The following PRKN variants were observed in gnomAD, a reference collection of about 807,000 sequenced individuals.
PRKN encodes the protein parkin RBR E3 ubiquitin protein ligase, also known as E3 ubiquitin-protein ligase parkin.
In PRKN, 56 loss-of-function variants were observed where a neutral mutation model predicts 59.5. The ratio of observed to expected loss-of-function variants is 0.94; its 90% CI spans 0.76 to 1.18. The LOEUF is 1.18. PRKN is among the 50% of genes most tolerant of loss of function. The probability of loss-of-function intolerance (pLI) is 0.00; values close to 1 mark genes in which losing one functional copy is unlikely to be tolerated. For missense variants in PRKN, 657 were observed against 596.4 expected (o/e 1.10, Z -1.06); for synonymous variants, 250 against 222.1 (o/e 1.13, Z -1.12).
chr6:161,732,893 C>G (rs1787782289), intron 7 of PRKN, among the ~76,000 whole-genome samples: 1 of 152,152 alleles, frequency 6.6e-6, no homozygotes, highest in Admixed American at 6.5e-5. Context: ...GAGTTTGCCT[C>G]AGGAGAATTT....
At chr6:162,110,108 T>A (rs1453808473) in intron 4 of PRKN, among the ~76,000 whole-genome samples, 3 of 152,196 alleles carry the variant, frequency 2.0e-5, no homozygotes, top group Non-Finnish European at 4.4e-5. Context: ...TATGTGTGTG[T>A]ACTATGGGAT....
chr6:161,961,391 G>A (rs1373508450), intron 6 of PRKN, among the ~76,000 whole-genome samples: 1 of 152,152 alleles, frequency 6.6e-6, no homozygotes, highest in South Asian at 2.1e-4. Context: ...AGCCGGTTGG[G>A]TGTAAAAGAA....
intron 6 of PRKN, among the ~76,000 whole-genome samples, chr6:161,791,805 A>G (rs1790649427): frequency 6.6e-6 from 1 of 152,246 alleles, no homozygotes; most frequent in Admixed American, 6.5e-5. Flanking sequence ...GCAGCCTTCA[A>G]GATGTTCTCC....
chr6:161,887,199 G>A (rs1000637911), intron 6 of PRKN, among the ~76,000 whole-genome samples: 5 of 152,170 alleles, frequency 3.3e-5, no homozygotes, highest in African/African-American at 1.2e-4. Context: ...TTGGATTACT[G>A]TAGCACTGAT....
chr6:162,275,676 T>C (rs150186294), intron 2 of PRKN, among the ~76,000 whole-genome samples: 2,964 of 151,936 alleles, frequency 0.02, 87 homozygotes, highest in African/African-American at 0.069. Flanking sequence ...TCCCAGCTAC[T>C]TGGGAGGCTG....
At chr6:162,186,237 T>C (rs577625617) in intron 4 of PRKN, among the ~76,000 whole-genome samples, 32 of 152,194 alleles carry the variant, frequency 2.1e-4, no homozygotes, top group Admixed American at 3.3e-4. Context: ...AGAGATACTA[T>C]AAACCAAAAG....
intron 9 of PRKN, among the ~76,000 whole-genome samples, chr6:161,404,703 T>C (rs1299205613): frequency 6.6e-6 from 1 of 152,246 alleles, no homozygotes; most frequent in Non-Finnish European, 1.5e-5. Flanking sequence ...TCATGGTGTA[T>C]ATCACTCCCT....
At chr6:162,550,059 G>A (rs1779275958) in intron 1 of PRKN, among the ~76,000 whole-genome samples, 1 of 152,154 alleles carries the variant, frequency 6.6e-6, no homozygotes, top group South Asian at 2.1e-4. Context: ...TTCAGTTGGT[G>A]GTTCCTAATA....
intron 1 of PRKN, among the ~76,000 whole-genome samples, chr6:162,678,214 TG>T (rs1262943008): frequency 6.6e-6 from 1 of 152,228 alleles, no homozygotes; most frequent in Non-Finnish European, 1.5e-5. Context: ...TGATGGTTAT[TG>T]GAGTTATTTT....
At chr6:161,680,776 T>TATTTTG (rs1491495272) in intron 7 of PRKN, among the ~76,000 whole-genome samples, 4 of 18,946 alleles carry the variant, frequency 2.1e-4, no homozygotes, top group Admixed American at 1.4e-3. Flanking sequence ...TATATATATA[T>TATTTTG]TTTTTTTTTT....
At position 161,548,998 on chromosome 6, in the gene PRKN, G is replaced by A. The variant is rs1485966180; in HGVS notation, c.939C>T (p.Asn313=). ...CCTCTGCACCATACTGCTGGTACCG[G>A]TTGTACTGCAAAACCCAAAAAGCAG... The part of the protein sequence containing the change: ...HFRILGEEQY[N]RYQQYGAEEC... The change falls in exon 9 of 12, where the codon AAC becomes AAT. Residue 313 remains asparagine (N), a synonymous_variant. Transcript: ENST00000366898. The surrounding 1 kb of genome is among the most constrained non-coding windows in gnomAD (Gnocchi z 4.2). 7 of 1,614,028 alleles carry A rather than the reference G, an allele frequency of 4.3e-6. No homozygotes were observed. In the African/African-American group the frequency reaches 9.3e-5, roughly 22 times the overall value.
intron 3 of PRKN, among the ~76,000 whole-genome samples, chr6:162,235,985 G>GAAAGAAAGA (rs1778680791): frequency 2.0e-5 from 2 of 98,716 alleles, no homozygotes; most frequent in Admixed American, 9.5e-5. Context: ...AAGAAAGAAA[G>GAAAGAAAGA]AAAGAAAGAA....
intron 2 of PRKN, among the ~76,000 whole-genome samples, chr6:162,335,713 G>A (rs371379395): frequency 1.3e-5 from 2 of 151,474 alleles, no homozygotes; most frequent in East Asian, 1.9e-4. Flanking sequence ...CTATTTTATC[G>A]CTCACCAGTG....
chr6:161,638,138 GT>G lies in PRKN; in HGVS notation c.872-68723del, dbSNP rs201712962. Among the ~76,000 whole-genome samples, 143 of 147,088 alleles carry G rather than the reference GT, an allele frequency of 9.7e-4. 3 individuals carry two copies. The East Asian group carries it at 0.015, about 16-fold the overall frequency. ...CAGTCTGCAGTGATATTCACCCCTG[GT>G]TTTTTTTTTTCGAGACTGAATCTCT... is the stretch of plus-strand genomic sequence containing the variant. On this transcript the variant is annotated intron_variant, in intron 7 of 11. Transcript: ENST00000366898.
chr6:162,593,159 G>A (rs77322973), intron 1 of PRKN, among the ~76,000 whole-genome samples: 142 of 152,320 alleles, frequency 9.3e-4, no homozygotes, highest in African/African-American at 3.3e-3. Context: ...AAGTATAAGA[G>A]CACAGCCCAG....
At chr6:161,415,717 C>A (rs1405723745) in intron 9 of PRKN, among the ~76,000 whole-genome samples, 1 of 151,226 alleles carries the variant, frequency 6.6e-6, no homozygotes, top group African/African-American at 2.4e-5. Flanking sequence ...TCCTGAGCTT[C>A]GTCCCAGACA....
At chr6:162,529,065 G>T (rs1778402495) in intron 1 of PRKN, among the ~76,000 whole-genome samples, 1 of 151,988 alleles carries the variant, frequency 6.6e-6, no homozygotes, top group African/African-American at 2.4e-5. Context: ...GTAGAGATGG[G>T]GTTTCACCAT....
intron 7 of PRKN, among the ~76,000 whole-genome samples, chr6:161,589,893 C>A (rs1015078324): frequency 4.0e-5 from 6 of 150,782 alleles, no homozygotes; most frequent in Non-Finnish European, 8.8e-5. Context: ...GATTTTCCTG[C>A]AGCAGCCTCA....
Position 161,977,542 on chromosome 6 carries a change from G to GTTT in PRKN, c.619-4128_619-4126dup, listed in dbSNP as rs1554256833. Among the ~76,000 whole-genome samples the GTTT allele has an allele frequency of 5.7e-3, 593 of 104,392 alleles. 23 individuals are homozygous for GTTT. Among genetic ancestry groups the GTTT allele is most frequent in the Middle Eastern group, 0.018 (3 of 166 alleles). The allele number at this position is 104,392 out of a possible 152,430, so 68.5% of individuals were successfully genotyped here. ...ATCTTCTCTACTTTCTGTTTTTTTG[G>GTTT]TTTTTTTTTTTTTTTTTTTTTTTAA... On this transcript the variant is annotated intron_variant, in intron 5 of 11. Coordinates refer to ENST00000366898, the MANE Select transcript of PRKN (RefSeq NM_004562.3).
Sources: gnomAD v4.1 joint callset for allele counts (sites outside exome capture counted in the v4.1 genomes callset) on GRCh38, gnomAD v4.1.1 for gene constraint, Gnocchi (gnomAD v3.1) non-coding constraint, MANE v1.5 for transcripts, NCBI Gene and HGNC (gene_info 2026-07-23, HGNC 2026-07-21) for gene names.